The following ZNF493 variants were observed in gnomAD, a reference collection of about 807,000 sequenced individuals.
ZNF493 encodes the protein zinc finger protein 493.
In ZNF493, 11 loss-of-function variants were observed where a neutral mutation model predicts 12.2. The observed-to-expected ratio is 0.90, with a 90% CI of 0.57 to 1.50. ZNF493 has a LOEUF of 1.50. Among genes scored for constraint, ZNF493 ranks in the 40% most tolerant of loss-of-function variants. The probability of loss-of-function intolerance (pLI) is 0.00; values close to 1 mark genes in which losing one functional copy is unlikely to be tolerated. For missense variants in ZNF493, 950 were observed against 906.6 expected, an observed-to-expected ratio of 1.05 and a Z score of -0.61; for synonymous variants, 286 against 302.6, an observed-to-expected ratio of 0.95 and a Z score of 0.57.
chr19:21,422,423 C>CA (rs74172402), intron 3 of ZNF493, among the ~76,000 whole-genome samples: 6 of 129,494 alleles, frequency 4.6e-5, no homozygotes, highest in Non-Finnish European at 9.5e-5. Context: ...CAAGTTACTT[C>CA]TTTATTTATT....
rs1210459104 is a variant in ZNF493, at chr19:21,423,207, A to T, written c.548A>T (p.Lys183Ile). 1.9e-6 allele frequency: 3 copies of T among 1,613,852 alleles called. No homozygotes were observed. In the Admixed American group the frequency reaches 5.0e-5, roughly 27 times the overall value. The change falls in exon 4 of 4, where the codon AAA (lysine) becomes ATA (isoleucine). Residue 183 changes from lysine to isoleucine, a missense_variant. By Grantham distance (102) the Lys-to-Ile change is moderately radical. Coordinates refer to ENST00000392288, the MANE Select transcript of ZNF493 (RefSeq NM_001076678.3). ...NTKHTGKKPFKCKKCGKSFCM... is the reference protein window; with the variant it reads ...NTKHTGKKPFICKKCGKSFCM... Reference sequence around the variant, plus strand: ...AAACATACTGGAAAGAAACCTTTCAAATGTAAAAAATGTGGCAAATCATTT... The same window carrying T: ...AAACATACTGGAAAGAAACCTTTCATATGTAAAAAATGTGGCAAATCATTT...
chr19:21,402,510 C>A (rs759358858), intron 1 of ZNF493, among the ~76,000 whole-genome samples: 2 of 152,160 alleles, frequency 1.3e-5, no homozygotes, highest in African/African-American at 2.4e-5. Flanking sequence ...TGATTGTACT[C>A]TGCTTGCTGT....
At chr19:21,401,159 C>A (rs890395320) in intron 1 of ZNF493, among the ~76,000 whole-genome samples, 4 of 152,158 alleles carry the variant, frequency 2.6e-5, no homozygotes, top group African/African-American at 9.7e-5. Flanking sequence ...AAGTTTTAAA[C>A]ATGAAGGATG....
intron 3 of ZNF493, among the ~76,000 whole-genome samples, chr19:21,417,507 C>G (rs541267988): frequency 6.6e-6 from 1 of 152,218 alleles, no homozygotes; most frequent in African/African-American, 2.4e-5. Flanking sequence ...CTGTAATCAC[C>G]TTTTTAAGAG....
At chr19:21,410,091 T>TGC (rs1555730609) in intron 3 of ZNF493, among the ~76,000 whole-genome samples, 26,764 of 144,372 alleles carry the variant, frequency 0.19, 2,691 homozygotes, top group Non-Finnish European at 0.23. Flanking sequence ...TATATATATA[T>TGC]GCAACACTTT....
At chr19:21,420,624 T>TATATATATA (rs1491161100) in intron 3 of ZNF493, among the ~76,000 whole-genome samples, 5 of 17,100 alleles carry the variant, frequency 2.9e-4, no homozygotes, top group African/African-American at 1.2e-3. Flanking sequence ...TATATATATA[T>TATATATATA]TTTTTTTTTT....
rs1019044132 is a variant in ZNF493 at position 21,422,085 on chromosome 19, C to A, written c.254-828C>A. On this transcript the variant is annotated intron_variant, in intron 3 of 3. Transcript: ENST00000392288. ...AGTCTTAATCTCTTGAACTCGTGAT[C>A]CACCCGCCTAGGCCTCGCAAAGTGC... 4.9e-4 allele frequency among the ~76,000 whole-genome samples: 74 copies of A among 152,118 alleles called. 1 individual carries two copies. The highest frequency in any genetic ancestry group is 1.7e-3 in the African/African-American group (72 of 41,406).
intron 3 of ZNF493, chr19:21,413,598 G>A (rs546624052): frequency 9.6e-5 from 39 of 407,224 alleles, no homozygotes; most frequent in East Asian, 2.1e-4. Flanking sequence ...GGGGGTCCTC[G>A]GGATCCTCCC....
At chr19:21,418,547 G>A (rs1420750971) in intron 3 of ZNF493, among the ~76,000 whole-genome samples, 2 of 152,046 alleles carry the variant, frequency 1.3e-5, no homozygotes, top group South Asian at 2.1e-4. Context: ...AGACCACCTC[G>A]GTCAGGGAGA....
chr19:21,405,405 A>G (rs994178191), intron 2 of ZNF493, 150 bp downstream of exon 2: 41 of 1,456,792 alleles, frequency 2.8e-5, no homozygotes, highest in Non-Finnish European at 3.7e-5. Context: ...CCGTGTGGAA[A>G]AAAATTTCTT....
chr19:21,423,896 G>C lies in ZNF493; in HGVS notation c.1237G>C (p.Ala413Pro). The C allele has an allele frequency of 6.2e-7, 1 of 1,613,078 alleles. No homozygotes were observed. Among genetic ancestry groups the C allele is most frequent in the East Asian group, 2.2e-5 (1 of 44,764 alleles). The change falls in exon 4 of 4, where the codon GCT becomes CCT. Residue 413 changes from alanine to proline, a missense_variant. By Grantham distance (27) the Ala-to-Pro change is conservative. Coordinates refer to ENST00000392288, the MANE Select transcript of ZNF493 (RefSeq NM_001076678.3). ...CCACAGATGTGAAGAATGTGGCAAAGCTTATAAGGAGTCTTCACACCTTAC... is the reference window on the plus strand; with the variant it reads ...CCACAGATGTGAAGAATGTGGCAAACCTTATAAGGAGTCTTCACACCTTAC... ...KSHRCEECGK[A>P]YKESSHLTTH...
intron 3 of ZNF493, among the ~76,000 whole-genome samples, chr19:21,416,633 G>C (rs2030502917): frequency 1.3e-5 from 2 of 152,112 alleles, no homozygotes; most frequent in Non-Finnish European, 2.9e-5. Context: ...CTAGTGATTT[G>C]ATTTACCCAA....
Position 21,403,174 on chromosome 19 carries a change from A to G in ZNF493, c.31-1955A>G, listed in dbSNP as rs1360082186. Among the ~76,000 whole-genome samples the G allele has an allele frequency of 2.0e-5, 3 of 152,196 alleles. No individual in the cohort carries two copies. The East Asian group carries it at 5.8e-4, about 29-fold the overall frequency. Reference sequence around the variant, plus strand: ...TGTGCTCTCTCCACAGGTTCTGTGTATTGTTCTAGGTGAAAGTATTCATGT... The same window carrying G: ...TGTGCTCTCTCCACAGGTTCTGTGTGTTGTTCTAGGTGAAAGTATTCATGT... On this transcript the variant is annotated intron_variant, in intron 1 of 3. Transcript: ENST00000392288.
chr19:21,418,807 G>T (rs894483846), intron 3 of ZNF493, among the ~76,000 whole-genome samples: 5 of 152,166 alleles, frequency 3.3e-5, no homozygotes, highest in African/African-American at 1.2e-4. Flanking sequence ...TCTGCAGCAG[G>T]AGCATGCTTT....
chr19:21,422,465 A>G (rs866662214), intron 3 of ZNF493, among the ~76,000 whole-genome samples: 4 of 57,118 alleles, frequency 7.0e-5, no homozygotes, highest in Admixed American at 5.3e-4. Flanking sequence ...ATTTATTTTT[A>G]TAATTTTTTT....
rs373042287 is a variant in ZNF493, at chr19:21,421,353, T to G, written c.254-1560T>G. ...AATTTATTTCATTTTTTATTGTTTC[T>G]TCCTCAAATTTTTATTTTATTTTAT... On this transcript the variant is annotated intron_variant, in intron 3 of 3. Transcript: ENST00000392288. 3.0e-4 allele frequency among the ~76,000 whole-genome samples: 45 copies of G among 152,268 alleles called. 1 individual carries two copies. The Middle Eastern group carries it at 0.01, about 35-fold the overall frequency.
rs2030878036 is a variant in ZNF493 at position 21,427,272 on chromosome 19, T to C, written c.*2288T>C. 6.0e-6 allele frequency: 1 copy of C among 166,658 alleles called. No individual in the cohort carries two copies. The highest frequency in any genetic ancestry group is 1.5e-5 in the Non-Finnish European group (1 of 68,116). The allele number at this position is 166,658 out of a possible 1,614,324, so 10.3% of individuals were successfully genotyped here. ...GCATTATGAGAAAACTAGTATATTA[T>C]TCATATATTTTACTAATTGTACTTT... On this transcript the variant is annotated 3_prime_UTR_variant, in exon 4 of 4. Coordinates refer to ENST00000392288, the MANE Select transcript of ZNF493 (RefSeq NM_001076678.3).
intron 1 of ZNF493, 83 bp from the exon 2 acceptor site, chr19:21,405,046 C>T (rs2145269795): frequency 6.5e-7 from 1 of 1,531,866 alleles, no homozygotes; most frequent in Non-Finnish European, 8.8e-7. Context: ...TTTACTTTCT[C>T]ATTTGACCTT....
Position 21,426,049 on chromosome 19 carries a change from C to A in ZNF493, c.*1065C>A. On this transcript the variant is annotated 3_prime_UTR_variant, in exon 4 of 4. Coordinates refer to ENST00000392288, the MANE Select transcript of ZNF493 (RefSeq NM_001076678.3). Reference sequence around the variant, plus strand: ...GTGAAAAATATGGCAAAGGCTTTAACTAGTCCTCAGTTCTTAACACACATA... The same window carrying A: ...GTGAAAAATATGGCAAAGGCTTTAAATAGTCCTCAGTTCTTAACACACATA... The A allele has an allele frequency of 2.3e-6, 1 of 442,514 alleles. No individual in the cohort carries two copies. Among genetic ancestry groups the A allele is most frequent in the Non-Finnish European group, 4.4e-6 (1 of 225,822 alleles). The allele number at this position is 442,514 out of a possible 1,614,324, so 27.4% of individuals were successfully genotyped here. A position where few individuals can be genotyped will look rare whatever the true frequency, so the allele number is the denominator to read the frequency against.
Sources: allele counts gnomAD v4.1 joint callset (sites outside exome capture counted in the v4.1 genomes callset), GRCh38; gene constraint gnomAD v4.1.1; transcripts MANE v1.5; gene names NCBI Gene and HGNC (gene_info 2026-07-23, HGNC 2026-07-21).